The following KMT2C variants were observed in gnomAD, a reference collection of about 807,000 sequenced individuals.
KMT2C encodes the protein lysine methyltransferase 2C, also known as histone-lysine N-methyltransferase 2C.
In KMT2C, 88 loss-of-function variants were observed where a neutral mutation model predicts 507.9. That is an observed-to-expected ratio of 0.17 (90% CI 0.15 to 0.21). The LOEUF (loss-of-function observed/expected upper bound fraction) is 0.21, where lower values mean the gene tolerates loss of function less well. Among genes scored for constraint, KMT2C ranks in the 10% least tolerant of loss-of-function variants. KMT2C has a pLI of 1.00. For synonymous variants in KMT2C, 2,049 were observed against 2,080.8 expected (o/e 0.98, Z 0.42); for missense variants, 4,954 against 5,957.8 (o/e 0.83, Z 5.55).
At chr7:152,316,877 A>G (rs1020988094) in intron 3 of KMT2C, among the ~76,000 whole-genome samples, 2 of 152,040 alleles carry the variant, frequency 1.3e-5, no homozygotes, top group African/African-American at 2.4e-5. Context: ...CTTCTTTCCA[A>G]AAAGAGACCA....
intron 2 of KMT2C, among the ~76,000 whole-genome samples, chr7:152,335,809 G>C (rs941613066): frequency 1.1e-4 from 17 of 152,182 alleles, no homozygotes; most frequent in Non-Finnish European, 2.2e-4. Flanking sequence ...AAAGTTAAAC[G>C]TTAATGTTAC....
At position 152,136,754 on chromosome 7, in the gene KMT2C, G is replaced by T; in HGVS notation, c.*78C>A. The T allele has an allele frequency of 9.9e-7, 1 of 1,009,906 alleles. No individual in the cohort carries two copies. Among genetic ancestry groups the T allele is most frequent in the Non-Finnish European group, 1.6e-6 (1 of 639,562 alleles). The allele number at this position is 1,009,906 out of a possible 1,614,324, so 62.6% of individuals were successfully genotyped here. On this transcript the variant is annotated 3_prime_UTR_variant, in exon 59 of 59. Transcript: ENST00000262189. ...AAACAGAAAACAAAAATCTCTTTCT[G>T]TCTGCAAAATTCCAATGGTGTGTTG...
At position 152,371,655 on chromosome 7, in the gene KMT2C, C is replaced by G. The variant is rs566291232; in HGVS notation, c.162-12980G>C. Among the ~76,000 whole-genome samples, 5 of 151,600 alleles carry G rather than the reference C, an allele frequency of 3.3e-5. 1 individual carries two copies. The South Asian group carries it at 1.0e-3, about 32-fold the overall frequency. ...TTGAGATGGAGTCTCGCTCTGTCAC[C>G]CAGGCTGGAGTGCAGTGGCATGATC... On this transcript the variant is annotated intron_variant, in intron 1 of 58. Coordinates refer to ENST00000262189, the MANE Select transcript of KMT2C (RefSeq NM_170606.3).
chr7:152,223,445 A>C (rs2094835463), intron 20 of KMT2C, among the ~76,000 whole-genome samples: 1 of 152,102 alleles, frequency 6.6e-6, no homozygotes, highest in Non-Finnish European at 1.5e-5. Context: ...GAAGGCAATA[A>C]TTCTCCATCT....
At chr7:152,150,336 C>T (rs879721498) in intron 51 of KMT2C, among the ~76,000 whole-genome samples, 2 of 152,080 alleles carry the variant, frequency 1.3e-5, no homozygotes, top group African/African-American at 2.4e-5. Context: ...AAGATATTTA[C>T]GGCCGGGCGC....
rs2097700843 is a variant in KMT2C at position 152,413,299 on chromosome 7, G to C, written c.161+22327C>G. ...CTGGATAATTTACGTATTTTTTGTA[G>C]AGACAGGGTTTTGTTATGCTGCCCA... On this transcript the variant is annotated intron_variant, in intron 1 of 58. Coordinates refer to ENST00000262189, the MANE Select transcript of KMT2C (RefSeq NM_170606.3). Among the ~76,000 whole-genome samples the C allele has an allele frequency of 3.3e-5, 5 of 152,040 alleles. No homozygotes were observed. The South Asian group carries it at 1.0e-3, about 32-fold the overall frequency.
intron 1 of KMT2C, among the ~76,000 whole-genome samples, chr7:152,409,406 G>A (rs1348736160): frequency 7.0e-6 from 1 of 142,500 alleles, no homozygotes; most frequent in African/African-American, 2.6e-5. Flanking sequence ...CAGATTTTCA[G>A]AAGAAATATG....
At chr7:152,336,741 A>C (rs1167520553) in intron 2 of KMT2C, among the ~76,000 whole-genome samples, 1 of 152,238 alleles carries the variant, frequency 6.6e-6, no homozygotes, top group Non-Finnish European at 1.5e-5. Flanking sequence ...CATTTAAAAA[A>C]TTACATTGCA....
At chr7:152,307,112 C>A (rs183495978) in intron 6 of KMT2C, among the ~76,000 whole-genome samples, 1 of 151,452 alleles carries the variant, frequency 6.6e-6, no homozygotes, top group East Asian at 2.0e-4. Context: ...GAGCCGTGAT[C>A]ATGCCACTGC....
At chr7:152,338,901 T>C (rs2096963318) in intron 2 of KMT2C, among the ~76,000 whole-genome samples, 3 of 152,198 alleles carry the variant, frequency 2.0e-5, no homozygotes, top group Admixed American at 2.0e-4. Context: ...CTAAAAATAC[T>C]CTTTTTTAAG....
At chr7:152,412,590 T>C (rs1291832273) in intron 1 of KMT2C, among the ~76,000 whole-genome samples, 1 of 152,068 alleles carries the variant, frequency 6.6e-6, no homozygotes, top group Non-Finnish European at 1.5e-5. Context: ...TCTAATCCTC[T>C]CATGAAGCTG....
chr7:152,265,032 A>G lies in KMT2C; in HGVS notation c.1184+6T>C, dbSNP rs199850026. 6.2e-7 allele frequency: 1 copy of G among 1,613,456 alleles called. No individual in the cohort carries two copies. Among genetic ancestry groups the G allele is most frequent in the East Asian group, 2.2e-5 (1 of 44,850 alleles). On this transcript the variant is annotated splice_donor_region_variant and intron_variant, in intron 8 of 58. Coordinates refer to ENST00000262189, the MANE Select transcript of KMT2C (RefSeq NM_170606.3). ...TACACAGCTTTGAATTGAAATGAAA[A>G]CTTACTTGCAGTTCTGGCACACTTT...
chr7:152,415,109 CT>C (rs1389419460), intron 1 of KMT2C, among the ~76,000 whole-genome samples: 1 of 152,098 alleles, frequency 6.6e-6, no homozygotes, highest in Non-Finnish European at 1.5e-5. Flanking sequence ...GCCTCAAGTG[CT>C]GGGATTACAG....
At chr7:152,287,120 T>C (rs1455304807) in intron 6 of KMT2C, among the ~76,000 whole-genome samples, 1 of 152,134 alleles carries the variant, frequency 6.6e-6, no homozygotes, top group Non-Finnish European at 1.5e-5. Context: ...CGCGGCTTCC[T>C]CCCTCTAGAG....
At chr7:152,397,129 T>C (rs1268688335) in intron 1 of KMT2C, among the ~76,000 whole-genome samples, 1 of 152,150 alleles carries the variant, frequency 6.6e-6, no homozygotes, top group Non-Finnish European at 1.5e-5. Context: ...TAGAAGACAA[T>C]TTTAATTCTT....
rs1229819064 is a variant in KMT2C at position 152,240,857 on chromosome 7, C to T, written c.2533-2031G>A. On this transcript the variant is annotated intron_variant, in intron 14 of 58. Coordinates refer to ENST00000262189, the MANE Select transcript of KMT2C (RefSeq NM_170606.3). ...TGGCCACCACCATCTCTCACCTAAC[C>T]TGCTACAAGAGTCTACTGCTGGTTA... Among the ~76,000 whole-genome samples, 4 of 152,210 alleles carry T rather than the reference C, an allele frequency of 2.6e-5. No homozygotes were observed. The South Asian group carries it at 6.2e-4, about 24-fold the overall frequency.
intron 24 of KMT2C, 116 bp from the exon 25 acceptor site, chr7:152,205,341 T>A: frequency 3.1e-6 from 2 of 651,232 alleles, no homozygotes; most frequent in Non-Finnish European, 4.8e-6. Context: ...ATTAAATCTG[T>A]GCTAATCTAA....
chr7:152,154,564 G>A (rs938300575), intron 46 of KMT2C, 119 bp from the exon 47 acceptor site: 6 of 748,498 alleles, frequency 8.0e-6, no homozygotes, highest in South Asian at 1.8e-5. Context: ...GCACCTATAC[G>A]ATGAGCAGCA....
intron 3 of KMT2C, among the ~76,000 whole-genome samples, chr7:152,318,067 G>A (rs1183438178): frequency 6.6e-6 from 1 of 152,014 alleles, no homozygotes; most frequent in Non-Finnish European, 1.5e-5. Context: ...AAACCCAGGA[G>A]GCGGAGGTTG....
Sources: gnomAD v4.1 joint callset for allele counts (sites outside exome capture counted in the v4.1 genomes callset) on GRCh38, gnomAD v4.1.1 for gene constraint, MANE v1.5 for transcripts, NCBI Gene and HGNC (gene_info 2026-07-23, HGNC 2026-07-21) for gene names.